The following FAM178B variants were observed in gnomAD, a reference collection of about 807,000 sequenced individuals.
FAM178B encodes the protein family with sequence similarity 178 member B, also known as protein FAM178B.
A neutral mutation model predicts 91.7 loss-of-function variants in FAM178B; 82 were observed. The ratio of observed to expected loss-of-function variants is 0.89; its 90% CI spans 0.75 to 1.07. The LOEUF (loss-of-function observed/expected upper bound fraction) is 1.07, where lower values mean the gene tolerates loss of function less well. FAM178B is among the 50% of genes least tolerant of loss of function. The pLI is 0.00. For missense variants in FAM178B, 769 were observed against 846.7 expected (o/e 0.91, Z 1.14); for synonymous variants, 368 against 359.4 (o/e 1.02, Z -0.27).
At chr2:96,938,499 C>G (rs1490963835) in intron 8 of FAM178B, among the ~76,000 whole-genome samples, 5 of 152,172 alleles carry the variant, frequency 3.3e-5, no homozygotes, top group Non-Finnish European at 7.3e-5. Context: ...GAGAGCACAT[C>G]AGAGCTTCTC....
chr2:96,885,136 G>C (rs2080484855), intron 14 of FAM178B, among the ~76,000 whole-genome samples: 1 of 152,260 alleles, frequency 6.6e-6, no homozygotes, highest in South Asian at 2.1e-4. Context: ...CACGGAGCAG[G>C]GATGAGGCCC....
intron 16 of FAM178B, among the ~76,000 whole-genome samples, chr2:96,877,367 T>C (rs974481816): frequency 6.6e-6 from 1 of 151,858 alleles, no homozygotes; most frequent in African/African-American, 2.4e-5. Context: ...CGCTTCTCTG[T>C]GTCCCCTTCC....
intron 9 of FAM178B, among the ~76,000 whole-genome samples, chr2:96,925,021 C>T: frequency 6.6e-6 from 1 of 152,114 alleles, no homozygotes; most frequent in Non-Finnish European, 1.5e-5. Context: ...GTCCTTCTTC[C>T]AGATTTCAGC....
chr2:96,919,491 A>G (rs766365897), intron 12 of FAM178B, among the ~76,000 whole-genome samples: 9 of 152,238 alleles, frequency 5.9e-5, no homozygotes, highest in African/African-American at 1.2e-4. Flanking sequence ...TGAGCCAGAC[A>G]TGGTCCTGGC....
At chr2:96,948,904 G>T (rs1202794345) in intron 7 of FAM178B, among the ~76,000 whole-genome samples, 1 of 152,126 alleles carries the variant, frequency 6.6e-6, no homozygotes, top group Non-Finnish European at 1.5e-5. Flanking sequence ...GACTCCTGGG[G>T]GCAAATACTC....
At chr2:96,879,170 G>A (rs1020929394) in intron 14 of FAM178B, among the ~76,000 whole-genome samples, 1 of 152,184 alleles carries the variant, frequency 6.6e-6, no homozygotes, top group African/African-American at 2.4e-5. Flanking sequence ...CAGGGCGTGA[G>A]GCTCCAGAAG....
chr2:96,986,500 G>A lies in FAM178B; in HGVS notation c.-187C>T. ...CGTGGAACCTAAAGATCCAGTTCTG[G>A]GGATTGAGTTCCGACTCCAAACCAA... is the stretch of plus-strand genomic sequence containing the variant. On this transcript the variant is annotated 5_prime_UTR_variant, in exon 1 of 17. Transcript: ENST00000490605. 5.7e-6 allele frequency: 4 copies of A among 696,960 alleles called. No individual in the cohort carries two copies. Among genetic ancestry groups the A allele is most frequent in the Non-Finnish European group, 6.9e-6 (3 of 436,390 alleles). The allele number at this position is 696,960 out of a possible 1,614,324, so 43.2% of individuals were successfully genotyped here. A position where few individuals can be genotyped will look rare whatever the true frequency, so the allele number is the denominator to read the frequency against.
At chr2:96,905,838 A>G (rs1291452709) in intron 12 of FAM178B, among the ~76,000 whole-genome samples, 47 of 29,252 alleles carry the variant, frequency 1.6e-3, no homozygotes, top group African/African-American at 3.5e-3. Context: ...ATATATATAT[A>G]TATATATATA....
intron 8 of FAM178B, among the ~76,000 whole-genome samples, chr2:96,943,970 C>T (rs1559087753): frequency 6.6e-6 from 1 of 152,100 alleles, no homozygotes; most frequent in African/African-American, 2.4e-5. Flanking sequence ...CAGCTGGGCG[C>T]GGTGGCTCAC....
At chr2:96,977,194 C>CAAAAAA (rs70964891) in intron 1 of FAM178B, among the ~76,000 whole-genome samples, 17 of 38,500 alleles carry the variant, frequency 4.4e-4, no homozygotes, top group African/African-American at 1.7e-3. Flanking sequence ...GACTCTGTCT[C>CAAAAAA]AAAAAAAAAA....
chr2:96,891,440 G>A (rs1039690637), intron 14 of FAM178B, among the ~76,000 whole-genome samples: 3 of 152,230 alleles, frequency 2.0e-5, no homozygotes, highest in Non-Finnish European at 4.4e-5. Flanking sequence ...CAGAATGGGG[G>A]CAGGAGAGCG....
At chr2:96,928,791 G>A (rs186569349) in intron 9 of FAM178B, among the ~76,000 whole-genome samples, 122 of 152,232 alleles carry the variant, frequency 8.0e-4, no homozygotes, top group African/African-American at 2.6e-3. Context: ...GCGGGGGTGT[G>A]TGGTTGTTCT....
At chr2:96,939,770 C>T (rs534995573) in intron 8 of FAM178B, among the ~76,000 whole-genome samples, 66 of 152,132 alleles carry the variant, frequency 4.3e-4, no homozygotes, top group Non-Finnish European at 8.4e-4. Context: ...TTCCAGCCCC[C>T]AATTACCTAT....
chr2:96,960,766 T>C (rs2082068136), intron 5 of FAM178B, among the ~76,000 whole-genome samples: 1 of 152,206 alleles, frequency 6.6e-6, no homozygotes, highest in Admixed American at 6.5e-5. Context: ...GAGTCAGGAA[T>C]GGACCACCCA....
At chr2:96,905,935 G>A (rs1285990188) in intron 12 of FAM178B, among the ~76,000 whole-genome samples, 3 of 131,884 alleles carry the variant, frequency 2.3e-5, no homozygotes, top group Non-Finnish European at 3.1e-5. Context: ...GCAATGGTGC[G>A]ATATCGGCTC....
rs1227361231 is a variant in FAM178B, at chr2:96,897,937, TC to T, written c.1651-3887del. On this transcript the variant is annotated intron_variant, in intron 13 of 16. Transcript: ENST00000490605. ...GCCTGTGTGACCTCAATGCTGTAAGTCCTGTCCTTCAAGTTCAGTTCTCCAA... is the reference window on the plus strand; with the variant it reads ...GCCTGTGTGACCTCAATGCTGTAAGTCTGTCCTTCAAGTTCAGTTCTCCAA... 3 of 985,088 alleles carry T rather than the reference TC, an allele frequency of 3.0e-6. No homozygotes were observed. In the African/African-American group the frequency reaches 5.2e-5, roughly 17 times the overall value. The allele number at this position is 985,088 out of a possible 1,614,324, so 61.0% of individuals were successfully genotyped here.
intron 12 of FAM178B, among the ~76,000 whole-genome samples, chr2:96,917,423 C>T (rs922373464): frequency 1.3e-5 from 2 of 152,190 alleles, no homozygotes; most frequent in African/African-American, 2.4e-5. Context: ...GCCATGGGCC[C>T]TGGAGCTACC....
In FAM178B at chr2:96,921,464, T is replaced by C; in HGVS notation, c.1464+14A>G. 4 of 1,551,642 alleles carry C rather than the reference T, an allele frequency of 2.6e-6. No homozygotes were observed. Among genetic ancestry groups the C allele is most frequent in the Non-Finnish European group, 3.5e-6 (4 of 1,146,958 alleles). On this transcript the variant is annotated intron_variant, in intron 11 of 16. Coordinates refer to ENST00000490605, the MANE Select transcript of FAM178B (RefSeq NM_001122646.3). ...ATGAAGCTGTATGAGGACCAGGCTC[T>C]GGGCGTCTAGTACCTTCCCTGGCCA...
chr2:96,965,492 T>C (rs1412690313), intron 5 of FAM178B, among the ~76,000 whole-genome samples: 1 of 151,788 alleles, frequency 6.6e-6, no homozygotes, highest in African/African-American at 2.4e-5. Context: ...AGATAAGGTC[T>C]TGCTGTGTCA....
Sources: allele counts gnomAD v4.1 joint callset (sites outside exome capture counted in the v4.1 genomes callset), GRCh38; gene constraint gnomAD v4.1.1; transcripts MANE v1.5; gene names NCBI Gene and HGNC (gene_info 2026-07-23, HGNC 2026-07-21).